The following ANO10 variants were observed in gnomAD, a reference collection of about 807,000 sequenced individuals.
ANO10 encodes anoctamin 10.
Under a neutral mutation model 74.7 loss-of-function variants are expected in ANO10, and 77 were observed. That is an observed-to-expected ratio of 1.03 (90% CI 0.86 to 1.25). The LOEUF is 1.25. Ranked by LOEUF, ANO10 falls within the 50% of genes most tolerant of loss-of-function variation. The pLI is 0.00. For missense variants in ANO10, 721 were observed against 778.1 expected (o/e 0.93, Z 0.87); for synonymous variants, 279 against 284.9 (o/e 0.98, Z 0.21).
At chr3:43,632,702 G>A (rs1356482278) in intron 1 of ANO10, among the ~76,000 whole-genome samples, 1 of 152,178 alleles carries the variant, frequency 6.6e-6, no homozygotes, top group Non-Finnish European at 1.5e-5. Context: ...GCATCTCCAT[G>A]CAGCACTACA....
At chr3:43,529,637 A>G (rs2078368736) in intron 11 of ANO10, among the ~76,000 whole-genome samples, 1 of 152,220 alleles carries the variant, frequency 6.6e-6, no homozygotes, top group Non-Finnish European at 1.5e-5. Flanking sequence ...ACAAAGTAGA[A>G]ATAGTACAAC....
chr3:43,471,215 C>T (rs1400936852), intron 11 of ANO10, among the ~76,000 whole-genome samples: 1 of 152,004 alleles, frequency 6.6e-6, no homozygotes, highest in Non-Finnish European at 1.5e-5. Flanking sequence ...ACACTCAACC[C>T]CAGTTTTAAC....
intron 11 of ANO10, among the ~76,000 whole-genome samples, chr3:43,505,111 G>A (rs1201052654): frequency 6.6e-6 from 1 of 152,156 alleles, no homozygotes; most frequent in African/African-American, 2.4e-5. Context: ...GAAAACAAAA[G>A]CAGCTTCTGG....
intron 11 of ANO10, among the ~76,000 whole-genome samples, chr3:43,516,778 G>A (rs961162385): frequency 6.6e-6 from 1 of 152,116 alleles, no homozygotes; most frequent in African/African-American, 2.4e-5. Flanking sequence ...GATCTCCAAA[G>A]GAAAAGAGCA....
At chr3:43,383,370 C>T (rs529165954) in intron 12 of ANO10, among the ~76,000 whole-genome samples, 1 of 147,926 alleles carries the variant, frequency 6.8e-6, no homozygotes. Context: ...AGGAGAATGG[C>T]GTGAACATGG....
intron 11 of ANO10, among the ~76,000 whole-genome samples, chr3:43,481,366 T>C (rs1421950432): frequency 1.3e-5 from 2 of 152,200 alleles, no homozygotes; most frequent in Non-Finnish European, 2.9e-5. Context: ...TTTTAAATTA[T>C]GCCAGGTACT....
At chr3:43,406,536 ACT>A (rs552896725) in intron 12 of ANO10, among the ~76,000 whole-genome samples, 3,661 of 152,272 alleles carry the variant, frequency 0.024, 149 homozygotes, top group African/African-American at 0.082. Flanking sequence ...CACATGGAGA[ACT>A]GCCTTCTGTA....
chr3:43,690,958 T>G (rs1190433587), intron 1 of ANO10: 1 of 1,554,486 alleles, frequency 6.4e-7, no homozygotes, highest in African/African-American at 1.4e-5. Context: ...TCAGCCGGCT[T>G]CGAGATAAGT....
At chr3:43,557,440 A>G (rs1248998042) in intron 9 of ANO10, among the ~76,000 whole-genome samples, 1 of 152,118 alleles carries the variant, frequency 6.6e-6, no homozygotes, top group Non-Finnish European at 1.5e-5. Flanking sequence ...GAGGACATTA[A>G]AGACATTTTG....
At chr3:43,449,946 C>A (rs1370515153) in intron 11 of ANO10, among the ~76,000 whole-genome samples, 1 of 152,232 alleles carries the variant, frequency 6.6e-6, no homozygotes, top group East Asian at 1.9e-4. Flanking sequence ...TTTATATTTT[C>A]TTTGATTTCT....
At chr3:43,370,730 A>G (rs1475751609) in intron 12 of ANO10, among the ~76,000 whole-genome samples, 1 of 152,234 alleles carries the variant, frequency 6.6e-6, no homozygotes, top group East Asian at 1.9e-4. Context: ...ACTCATTAAA[A>G]CACCCATGCT....
intron 11 of ANO10, among the ~76,000 whole-genome samples, chr3:43,520,686 G>A (rs954962046): frequency 6.6e-6 from 1 of 152,010 alleles, no homozygotes; most frequent in African/African-American, 2.4e-5. Context: ...TATGATTACT[G>A]TAGTTTTGAA....
At chr3:43,551,715 C>T in intron 10 of ANO10, 1 of 347,194 alleles carries the variant, frequency 2.9e-6, no homozygotes, top group Non-Finnish European at 5.7e-6. Context: ...AATTTTTGCA[C>T]AGATGTCTAT....
At chr3:43,407,102 C>T (rs939093493) in intron 12 of ANO10, among the ~76,000 whole-genome samples, 16 of 152,116 alleles carry the variant, frequency 1.1e-4, no homozygotes, top group South Asian at 4.2e-4. Flanking sequence ...TAGAGTTTCA[C>T]CATGTTTGCC....
chr3:43,545,360 G>GA (rs2079137055), intron 11 of ANO10, among the ~76,000 whole-genome samples: 1 of 150,804 alleles, frequency 6.6e-6, no homozygotes, highest in African/African-American at 2.4e-5. Context: ...CCCAATGATG[G>GA]TTTTTTTTTG....
At chr3:43,529,379 A>T (rs1405043952) in intron 11 of ANO10, among the ~76,000 whole-genome samples, 1 of 152,214 alleles carries the variant, frequency 6.6e-6, no homozygotes, top group Non-Finnish European at 1.5e-5. Flanking sequence ...TTGCCACTCA[A>T]AGTGGGGTTC....
chr3:43,526,234 C>CTG (rs1304234145), intron 11 of ANO10, among the ~76,000 whole-genome samples: 2 of 152,164 alleles, frequency 1.3e-5, no homozygotes, highest in African/African-American at 4.8e-5. Flanking sequence ...GTTAATTGTC[C>CTG]TGTGCAGCCA....
At chr3:43,568,240 A>T (rs1421298740) in intron 7 of ANO10, among the ~76,000 whole-genome samples, 2 of 152,174 alleles carry the variant, frequency 1.3e-5, no homozygotes, top group Non-Finnish European at 2.9e-5. Flanking sequence ...ATAATGGGAG[A>T]CTTTAACACC....
At chr3:43,543,885 T>C (rs1256882438) in intron 11 of ANO10, among the ~76,000 whole-genome samples, 1 of 152,196 alleles carries the variant, frequency 6.6e-6, no homozygotes, top group African/African-American at 2.4e-5. Context: ...TAACTCGTCT[T>C]CACCTTAGAA....
Sources: gnomAD v4.1 joint callset for allele counts (sites outside exome capture counted in the v4.1 genomes callset) on GRCh38, gnomAD v4.1.1 for gene constraint, MANE v1.5 for transcripts, NCBI Gene and HGNC (gene_info 2026-07-23, HGNC 2026-07-21) for gene names.